MRPL3: variants seen among roughly 807,000 people sequenced by gnomAD.
The protein encoded by MRPL3 is mitochondrial ribosomal protein L3.
In MRPL3, 43 loss-of-function variants were observed where a neutral mutation model predicts 44.3. The observed-to-expected ratio is 0.97, with a 90% confidence interval of 0.76 to 1.25. MRPL3 has a LOEUF of 1.25. Ranked by LOEUF, MRPL3 falls within the 50% of genes most tolerant of loss-of-function variation. MRPL3 has a pLI of 0.00. For synonymous variants in MRPL3, 171 were observed against 152.3 expected, an observed-to-expected ratio of 1.12 and a Z score of -0.91; for missense variants, 406 against 427.6, an observed-to-expected ratio of 0.95 and a Z score of 0.45.
chr3:131,490,056 A>T lies in MRPL3; in HGVS notation c.493T>A (p.Tyr165Asn), dbSNP rs745828364. The T allele has an allele frequency of 1.2e-6, 2 of 1,610,242 alleles. No homozygotes were observed. Among genetic ancestry groups the T allele is most frequent in the South Asian group, 1.1e-5 (1 of 90,966 alleles). The change falls in exon 5 of 10, where the codon TAC becomes AAC. Residue 165 changes from tyrosine to asparagine, a missense_variant. Physicochemically the swap from Tyr to Asn is moderately radical, Grantham distance 143 (BLOSUM62 -2). Coordinates refer to ENST00000264995, the MANE Select transcript of MRPL3 (RefSeq NM_007208.4). ...FRKATSILEFYRELGLPPKQT... is the reference protein window; with the variant it reads ...FRKATSILEFNRELGLPPKQT... ...TTCGGCGGCAATCCAAGTTCCCGGT[A>T]AAATTCCAATATGGATGTAGCTTTC...
intron 4 of MRPL3, among the ~76,000 whole-genome samples, chr3:131,492,368 A>G (rs967460417): frequency 1.3e-5 from 2 of 152,022 alleles, no homozygotes; most frequent in African/African-American, 4.8e-5. Flanking sequence ...GCAGTACCCA[A>G]CCTTTTCGGT....
intron 9 of MRPL3, among the ~76,000 whole-genome samples, chr3:131,465,998 G>A (rs183137225): frequency 1.3e-4 from 19 of 150,664 alleles, no homozygotes; most frequent in South Asian, 4.2e-4. Flanking sequence ...CTGAGGCCAC[G>A]TGATCCTATC....
At chr3:131,484,296 A>G (rs1934062719) in intron 6 of MRPL3, among the ~76,000 whole-genome samples, 1 of 152,174 alleles carries the variant, frequency 6.6e-6, no homozygotes, top group African/African-American at 2.4e-5. Flanking sequence ...CTTGGTAGAA[A>G]TGCAAATTCT....
chr3:131,491,512 G>A (rs564452404), intron 4 of MRPL3, among the ~76,000 whole-genome samples: 1 of 152,082 alleles, frequency 6.6e-6, no homozygotes, highest in Non-Finnish European at 1.5e-5. Context: ...AGCTTAACGT[G>A]TCTAAAACTG....
intron 6 of MRPL3, among the ~76,000 whole-genome samples, chr3:131,471,922 A>G (rs1167082895): frequency 6.6e-6 from 1 of 152,072 alleles, no homozygotes; most frequent in Non-Finnish European, 1.5e-5. Flanking sequence ...TCCAGCTATT[A>G]ACGAAGGACC....
chr3:131,485,474 T>C (rs1242408137), intron 6 of MRPL3, among the ~76,000 whole-genome samples: 1 of 152,154 alleles, frequency 6.6e-6, no homozygotes. Flanking sequence ...AATTCAAAAA[T>C]TAACAAGTAA....
chr3:131,471,227 G>C lies in MRPL3; in HGVS notation c.682C>G (p.Pro228Ala), dbSNP rs780745879. ...GTTTTCGTTTGACCATGCGTAGCAG[G>C]CTGGCCTTTAAATCCCCATCTTTTC... Reference protein sequence around the residue: ...VMKRWGFKGQPATHGQTKTHR... With the variant: ...VMKRWGFKGQAATHGQTKTHR... Residue 228 changes from proline to alanine, a missense_variant, in exon 7 of 10, where the codon CCT (proline) becomes GCT (alanine). Pro to Ala is a conservative substitution (Grantham distance 27, BLOSUM62 -1). Coordinates refer to ENST00000264995, the MANE Select transcript of MRPL3 (RefSeq NM_007208.4). 2.5e-6 allele frequency: 4 copies of C among 1,613,404 alleles called. No homozygotes were observed. Among genetic ancestry groups the C allele is most frequent in the Admixed American group, 3.3e-5 (2 of 59,900 alleles).
At chr3:131,464,631 G>C (rs902693229) in intron 9 of MRPL3, among the ~76,000 whole-genome samples, 1 of 152,076 alleles carries the variant, frequency 6.6e-6, no homozygotes, top group East Asian at 1.9e-4. Context: ...GAATGAACAC[G>C]AATGAACCGT....
At chr3:131,462,959 A>C (rs1012524328) in intron 9 of MRPL3, 84 bp from the exon 10 acceptor site, 2 of 1,122,354 alleles carry the variant, frequency 1.8e-6, no homozygotes, top group African/African-American at 1.6e-5. Flanking sequence ...TCAAAGAAAT[A>C]CTCGCTACTA....
intron 3 of MRPL3, among the ~76,000 whole-genome samples, chr3:131,500,078 A>G (rs1934459254): frequency 1.3e-5 from 2 of 152,230 alleles, no homozygotes; most frequent in Non-Finnish European, 2.9e-5. Flanking sequence ...TAGCAAAAAG[A>G]TCAAAACTGT....
In MRPL3 at chr3:131,465,885, TTCTC is replaced by T. The variant is rs142075119; in HGVS notation, c.894+2202_894+2205del. Among the ~76,000 whole-genome samples, 745 of 142,668 alleles carry T rather than the reference TTCTC, an allele frequency of 5.2e-3. 1 individual carries two copies. Among genetic ancestry groups the T allele is most frequent in the African/African-American group, 0.017 (675 of 39,276 alleles). The allele number at this position is 142,668 out of a possible 152,430, so 93.6% of individuals were successfully genotyped here. A position where few individuals can be genotyped will look rare whatever the true frequency, so the allele number is the denominator to read the frequency against. ...AAATTCATCAAATACATTTTTCTTT[TTCTC>T]TCTTTTTTTTTTTTTTTTGTTTTTT... On this transcript the variant is annotated intron_variant, in intron 9 of 9. Coordinates refer to ENST00000264995, the MANE Select transcript of MRPL3 (RefSeq NM_007208.4).
At chr3:131,465,293 TAG>T (rs1933575825) in intron 9 of MRPL3, among the ~76,000 whole-genome samples, 1 of 152,194 alleles carries the variant, frequency 6.6e-6, no homozygotes, top group Admixed American at 6.5e-5. Context: ...TGAGAGTGAA[TAG>T]AGTTTTTGGA....
intron 6 of MRPL3, among the ~76,000 whole-genome samples, chr3:131,484,772 T>G (rs1171156155): frequency 6.6e-6 from 1 of 152,108 alleles, no homozygotes; most frequent in Non-Finnish European, 1.5e-5. Flanking sequence ...GCATTTAAAA[T>G]TAAAAGCACC....
rs557033475 is a variant in MRPL3, at chr3:131,472,366, G to A, written c.630-1087C>T. 4.6e-5 allele frequency among the ~76,000 whole-genome samples: 7 copies of A among 152,218 alleles called. No individual in the cohort carries two copies. The South Asian group carries it at 1.5e-3, about 32-fold the overall frequency. ...TATTTTCAAATTCTGTTAACCCCAT[G>A]ATCCAGGTAGAAAGCAAACAACACT... On this transcript the variant is annotated intron_variant, in intron 6 of 9. Transcript: ENST00000264995.
At chr3:131,484,554 G>A (rs1436114790) in intron 6 of MRPL3, among the ~76,000 whole-genome samples, 2 of 152,038 alleles carry the variant, frequency 1.3e-5, no homozygotes, top group Non-Finnish European at 2.9e-5. Context: ...AATGCATTAA[G>A]GAAAGTAGAG....
Position 131,502,878 on chromosome 3 carries a change from C to T in MRPL3, c.-57G>A. On this transcript the variant is annotated 5_prime_UTR_variant, in exon 1 of 10. Transcript: ENST00000264995. ...TCCGGGCGCCCTGCCGCTCTGCTTT[C>T]AGGGAGTCCCCACGCCACCGCCACG... The T allele has an allele frequency of 6.6e-7, 1 of 1,518,826 alleles. No homozygotes were observed. The highest frequency in any genetic ancestry group is 1.8e-5 in the Admixed American group (1 of 57,024). 94.1% of individuals were successfully genotyped at this position (1,518,826 alleles called of 1,614,324 possible).
rs769729208 is a variant in MRPL3, at chr3:131,490,060, T to C, written c.489A>G (p.Glu163=). Residue 163 remains glutamate (E), a synonymous_variant, in exon 5 of 10, where the codon GAA becomes GAG. Coordinates refer to ENST00000264995, the MANE Select transcript of MRPL3 (RefSeq NM_007208.4). ...GCGGCAATCCAAGTTCCCGGTAAAA[T>C]TCCAATATGGATGTAGCTTTCTAGA... ...SRFRKATSIL[E]FYRELGLPPK... The C allele has an allele frequency of 6.2e-7, 1 of 1,609,284 alleles. No homozygotes were observed. The highest frequency in any genetic ancestry group is 8.5e-7 in the Non-Finnish European group (1 of 1,175,934).
intron 9 of MRPL3, among the ~76,000 whole-genome samples, chr3:131,463,870 T>C (rs1342793851): frequency 6.6e-6 from 1 of 152,148 alleles, no homozygotes; most frequent in Non-Finnish European, 1.5e-5. Context: ...AAAAATTACA[T>C]GTAATTATAT....
chr3:131,473,010 C>T (rs1312882532), intron 6 of MRPL3, among the ~76,000 whole-genome samples: 6 of 152,122 alleles, frequency 3.9e-5, no homozygotes, highest in Non-Finnish European at 1.5e-5. Context: ...AGATTTAATG[C>T]AACCTCTATC....
Sources: gnomAD v4.1 joint callset for allele counts (sites outside exome capture counted in the v4.1 genomes callset) on GRCh38, gnomAD v4.1.1 for gene constraint, MANE v1.5 for transcripts, NCBI Gene and HGNC (gene_info 2026-07-23, HGNC 2026-07-21) for gene names.